DAG1: variants seen among roughly 807,000 people sequenced by gnomAD.
The protein encoded by DAG1 is dystroglycan 1 (dystrophin-associated glycoprotein 1).
DAG1 carries 8 observed loss-of-function variants against 46.1 expected under a neutral mutation model. That is an observed-to-expected ratio of 0.17 (90% CI 0.10 to 0.31). The LOEUF is 0.31. Ranked by LOEUF, DAG1 falls within the 10% of genes least tolerant of loss-of-function variation. The pLI, the probability that DAG1 is intolerant of heterozygous loss-of-function variation, is 1.00. For missense variants in DAG1, 1,003 were observed against 1,189.9 expected, an observed-to-expected ratio of 0.84 and a Z score of 2.31; for synonymous variants, 495 against 481.8, an observed-to-expected ratio of 1.03 and a Z score of -0.36.
At chr3:49,483,500 G>A (rs750640818) in intron 1 of DAG1, among the ~76,000 whole-genome samples, 4 of 151,992 alleles carry the variant, frequency 2.6e-5, no homozygotes, top group Non-Finnish European at 4.4e-5. Flanking sequence ...CACCATGCCT[G>A]GACTGTAGGT....
In DAG1 at chr3:49,531,741, T is replaced by C. The variant is rs374625327; in HGVS notation, c.1230T>C (p.Tyr410=). The change falls in exon 3 of 3, where the codon TAT becomes TAC. Residue 410 remains tyrosine, a synonymous_variant. Coordinates refer to ENST00000308775, the MANE Select transcript of DAG1 (RefSeq NM_004393.6). The surrounding 1 kb of genome is among the most constrained non-coding windows in gnomAD (Gnocchi z 7.0). ...QIRPTMTIPG[Y]VEPTAVATPP... ...GCCCAACGATGACCATTCCTGGCTA[T>C]GTGGAGCCTACTGCAGTTGCTACCC... 2.9e-5 allele frequency: 46 copies of C among 1,613,874 alleles called. No individual in the cohort carries two copies. The highest frequency in any genetic ancestry group is 3.7e-5 in the Non-Finnish European group (44 of 1,180,000).
intron 1 of DAG1, chr3:49,488,605 T>A (rs2050099888): frequency 6.6e-6 from 1 of 151,908 alleles, no homozygotes; most frequent in South Asian, 2.1e-4. Flanking sequence ...GAACGGTTAT[T>A]TATTTATTTT....
intron 1 of DAG1, among the ~76,000 whole-genome samples, chr3:49,508,215 T>A (rs2050660018): frequency 7.4e-6 from 1 of 135,142 alleles, no homozygotes; most frequent in African/African-American, 2.7e-5. Context: ...TTTTTTTTAA[T>A]AATGAGATGG....
chr3:49,480,322 C>T (rs1486276522), intron 1 of DAG1, among the ~76,000 whole-genome samples: 4 of 140,762 alleles, frequency 2.8e-5, no homozygotes, highest in African/African-American at 1.1e-4. Flanking sequence ...ATCGCCCAGG[C>T]TGGAGTGCAG....
At chr3:49,521,366 C>T (rs970845282) in intron 2 of DAG1, among the ~76,000 whole-genome samples, 2 of 152,072 alleles carry the variant, frequency 1.3e-5, no homozygotes, top group Non-Finnish European at 2.9e-5. Context: ...GGGGTTTCAC[C>T]GTGTTAGCCA....
chr3:49,489,941 G>C (rs1412920983), intron 1 of DAG1, among the ~76,000 whole-genome samples: 1 of 152,114 alleles, frequency 6.6e-6, no homozygotes, highest in African/African-American at 2.4e-5. Context: ...AGCTGTCACA[G>C]ATTACAGAGC....
chr3:49,515,510 C>T (rs1463224504), intron 2 of DAG1, among the ~76,000 whole-genome samples: 1 of 151,436 alleles, frequency 6.6e-6, no homozygotes, highest in Non-Finnish European at 1.5e-5. Flanking sequence ...CTCAGCCTTC[C>T]AAGTAACTGG....
At chr3:49,483,598 G>A (rs755934239) in intron 1 of DAG1, among the ~76,000 whole-genome samples, 7 of 152,138 alleles carry the variant, frequency 4.6e-5, no homozygotes. Context: ...AGTAGCCCTT[G>A]AGCAGGGACT....
chr3:49,513,029 G>A (rs1429237483), intron 2 of DAG1, among the ~76,000 whole-genome samples: 2 of 151,952 alleles, frequency 1.3e-5, no homozygotes, highest in African/African-American at 4.8e-5. Flanking sequence ...GCTTTCTGTT[G>A]GTGTGTTTAA....
chr3:49,504,788 T>C (rs1386139769), intron 1 of DAG1, among the ~76,000 whole-genome samples: 1 of 138,688 alleles, frequency 7.2e-6, no homozygotes, highest in Non-Finnish European at 1.6e-5. Context: ...TTTTTTTGTA[T>C]TTTTAGTAGA....
At chr3:49,469,928 C>A (rs908091991), upstream of DAG1, among the ~76,000 whole-genome samples, 5 of 152,234 alleles carry the variant, frequency 3.3e-5, no homozygotes, top group Non-Finnish European at 7.3e-5. Context: ...AGCCCCTCCC[C>A]CACACTACTG....
At chr3:49,469,395 T>A (rs1307956001), upstream of DAG1, among the ~76,000 whole-genome samples, 1 of 152,218 alleles carries the variant, frequency 6.6e-6, no homozygotes, top group African/African-American at 2.4e-5. Context: ...GGTGGGGGGC[T>A]GCAGGTTAAG....
chr3:49,495,683 A>T (rs2050292312), intron 1 of DAG1, among the ~76,000 whole-genome samples: 1 of 152,044 alleles, frequency 6.6e-6, no homozygotes, highest in African/African-American at 2.4e-5. Context: ...GCACTTTGGG[A>T]GGCTGAGGCG....
At chr3:49,504,467 ATTG>A (rs749233758) in intron 1 of DAG1, among the ~76,000 whole-genome samples, 14 of 150,692 alleles carry the variant, frequency 9.3e-5, no homozygotes, top group Middle Eastern at 3.2e-3. Context: ...TTGCTTTTGC[ATTG>A]TTGTCAAAAA....
intron 1 of DAG1, among the ~76,000 whole-genome samples, chr3:49,484,291 G>A (rs574217968): frequency 6.6e-6 from 1 of 152,220 alleles, no homozygotes; most frequent in South Asian, 2.1e-4. Context: ...ATTCTTTCAT[G>A]TAGGGGAGAA....
intron 1 of DAG1, among the ~76,000 whole-genome samples, chr3:49,471,241 T>C (rs1394830664): frequency 6.6e-6 from 1 of 152,192 alleles, no homozygotes; most frequent in Non-Finnish European, 1.5e-5. Context: ...GATTCTAGCC[T>C]GCTGCTTCCC....
rs988190842 is a variant in DAG1 at position 49,533,772 on chromosome 3, C to T, written c.*573C>T. The T allele has an allele frequency of 8.8e-6, 2 of 227,428 alleles. No homozygotes were observed. Among genetic ancestry groups the T allele is most frequent in the Non-Finnish European group, 1.8e-5 (2 of 112,886 alleles). The allele number at this position is 227,428 out of a possible 1,614,324, so 14.1% of individuals were successfully genotyped here. On this transcript the variant is annotated 3_prime_UTR_variant, in exon 3 of 3. Transcript: ENST00000308775. ...GGAATTGCTTTGCTAAAAATAAGCT[C>T]CCAGGGTGTTTCAAACTTAGAGAAG...
chr3:49,503,827 CAAAAAAA>C (rs57105506), intron 1 of DAG1, among the ~76,000 whole-genome samples: 3 of 130,844 alleles, frequency 2.3e-5, no homozygotes, highest in Non-Finnish European at 3.3e-5. Flanking sequence ...GACCCTGTCT[CAAAAAAA>C]AAAAAAGAAA....
At chr3:49,500,754 G>A (rs1379334015) in intron 1 of DAG1, among the ~76,000 whole-genome samples, 1 of 152,158 alleles carries the variant, frequency 6.6e-6, no homozygotes, top group African/African-American at 2.4e-5. Context: ...ATCTTTCTGT[G>A]GTTCCCAAGC....
Sources: gnomAD v4.1 joint callset for allele counts (sites outside exome capture counted in the v4.1 genomes callset) on GRCh38, gnomAD v4.1.1 for gene constraint, Gnocchi (gnomAD v3.1) non-coding constraint, MANE v1.5 for transcripts, NCBI Gene and HGNC (gene_info 2026-07-23, HGNC 2026-07-21) for gene names.